Variants in MPPED2 observed in about 807,000 individuals in gnomAD.
MPPED2 encodes the protein metallophosphoesterase MPPED2.
Under a neutral mutation model 33.0 loss-of-function variants are expected in MPPED2, and 5 were observed. The ratio of observed to expected loss-of-function variants is 0.15; its 90% CI spans 0.08 to 0.32. MPPED2 has a LOEUF of 0.32. Ranked by LOEUF, MPPED2 falls within the 10% of genes least tolerant of loss-of-function variation. The probability of loss-of-function intolerance (pLI) is 1.00; values close to 1 mark genes in which losing one functional copy is unlikely to be tolerated. For missense variants in MPPED2, 275 were observed against 372.1 expected (o/e 0.74, Z 2.15); for synonymous variants, 136 against 141.9 (o/e 0.96, Z 0.29).
At chr11:30,541,919 A>G (rs1276291027) in intron 2 of MPPED2, among the ~76,000 whole-genome samples, 1 of 152,224 alleles carries the variant, frequency 6.6e-6, no homozygotes, top group African/African-American at 2.4e-5. Flanking sequence ...AAAACTTTCC[A>G]ATGTGATATC....
intron 3 of MPPED2, among the ~76,000 whole-genome samples, chr11:30,505,303 G>A (rs538335): frequency 0.089 from 13,535 of 151,978 alleles, 769 homozygotes; most frequent in African/African-American, 0.15. Context: ...GTACACACTC[G>A]CACATACTCA....
intron 2 of MPPED2, among the ~76,000 whole-genome samples, chr11:30,573,887 A>T (rs1956810320): frequency 6.6e-6 from 1 of 152,202 alleles, no homozygotes; most frequent in South Asian, 2.1e-4. Context: ...AAAGTTTGGT[A>T]CAAAAGCAGC....
chr11:30,541,264 GT>G lies in MPPED2; in HGVS notation c.129-5090del, dbSNP rs1402091180. 4.6e-5 allele frequency among the ~76,000 whole-genome samples: 7 copies of G among 152,068 alleles called. No homozygotes were observed. The East Asian group carries it at 9.7e-4, about 21-fold the overall frequency. ...GTTTATTCAGTCTTGACATATTAGG[GT>G]TTTTTTACTCACAAAAAATATGATA... On this transcript the variant is annotated intron_variant, in intron 2 of 6. Coordinates refer to ENST00000358117, the MANE Select transcript of MPPED2 (RefSeq NM_001584.3).
chr11:30,524,648 G>C (rs1016876074), intron 3 of MPPED2, among the ~76,000 whole-genome samples: 2 of 152,198 alleles, frequency 1.3e-5, no homozygotes, highest in African/African-American at 4.8e-5. Context: ...TTCCAGGAGA[G>C]ATGAATGGCA....
chr11:30,405,231 A>G (rs562388464), downstream of MPPED2, among the ~76,000 whole-genome samples: 1 of 152,346 alleles, frequency 6.6e-6, no homozygotes, highest in South Asian at 2.1e-4. Context: ...CAGGATCTTC[A>G]ACTGAAAAGC....
chr11:30,510,628 T>A (rs2134302403), intron 3 of MPPED2, among the ~76,000 whole-genome samples: 1 of 152,344 alleles, frequency 6.6e-6, no homozygotes, highest in East Asian at 1.9e-4. Flanking sequence ...AAGATTATTT[T>A]CCTCAGAGTG....
intron 4 of MPPED2, among the ~76,000 whole-genome samples, chr11:30,461,966 C>T (rs1330381908): frequency 2.6e-5 from 4 of 152,192 alleles, no homozygotes; most frequent in Non-Finnish European, 5.9e-5. Flanking sequence ...TTCATTTGAT[C>T]AACTTATCAA....
chr11:30,501,220 G>A (rs931979548), intron 3 of MPPED2, among the ~76,000 whole-genome samples: 2 of 152,044 alleles, frequency 1.3e-5, no homozygotes, highest in African/African-American at 4.8e-5. Flanking sequence ...ATAAATCATT[G>A]GTTTATCCAC....
At chr11:30,449,586 T>C (rs983352310) in intron 4 of MPPED2, among the ~76,000 whole-genome samples, 2 of 150,472 alleles carry the variant, frequency 1.3e-5, no homozygotes, top group Non-Finnish European at 2.9e-5. Flanking sequence ...GAGGCTGCAG[T>C]GAGCTATGAT....
At chr11:30,453,268 T>G (rs764750490) in intron 4 of MPPED2, among the ~76,000 whole-genome samples, 1 of 152,174 alleles carries the variant, frequency 6.6e-6, no homozygotes, top group Non-Finnish European at 1.5e-5. Context: ...TCCACACCTC[T>G]AAAGCGTTCC....
intron 3 of MPPED2, among the ~76,000 whole-genome samples, chr11:30,526,713 A>G (rs924501676): frequency 6.6e-6 from 1 of 151,790 alleles, no homozygotes; most frequent in Non-Finnish European, 1.5e-5. Flanking sequence ...CAAAAAAAAA[A>G]AAAAGGCTCC....
rs59262374 is a variant in MPPED2 at position 30,441,080 on chromosome 11, G to A, written c.537-23447C>T. On this transcript the variant is annotated intron_variant, in intron 4 of 6. Transcript: ENST00000358117. ...ACCAATCCATTCTCTGGGTTACCGA[G>A]CAGAACTAGTGGTCTTCAGAACACT... Among the ~76,000 whole-genome samples the A allele has an allele frequency of 4.9e-3, 751 of 152,220 alleles. 3 individuals carry two copies. Among genetic ancestry groups the A allele is most frequent in the African/African-American group, 0.016 (683 of 41,542 alleles).
intron 2 of MPPED2, among the ~76,000 whole-genome samples, chr11:30,563,020 T>A (rs1280284107): frequency 6.6e-6 from 1 of 152,128 alleles, no homozygotes; most frequent in East Asian, 1.9e-4. Context: ...TATTTATGCA[T>A]CAGGCACTGT....
intron 4 of MPPED2, among the ~76,000 whole-genome samples, chr11:30,486,129 A>G (rs1951732578): frequency 6.6e-6 from 1 of 152,212 alleles, no homozygotes; most frequent in Non-Finnish European, 1.5e-5. Context: ...GAAAGTATCC[A>G]GTGTGGTTAC....
intron 2 of MPPED2, among the ~76,000 whole-genome samples, chr11:30,567,876 C>G (rs1956514876): frequency 6.6e-6 from 1 of 152,202 alleles, no homozygotes; most frequent in Non-Finnish European, 1.5e-5. Context: ...CTGCCCCTGG[C>G]TACCAGGTTA....
At chr11:30,432,114 A>G (rs1348072235) in intron 4 of MPPED2, among the ~76,000 whole-genome samples, 1 of 151,786 alleles carries the variant, frequency 6.6e-6, no homozygotes, top group African/African-American at 2.4e-5. Context: ...GGTTTCAAGG[A>G]GCCGAGATCG....
At chr11:30,448,781 TC>T (rs1949923601) in intron 4 of MPPED2, among the ~76,000 whole-genome samples, 2 of 151,940 alleles carry the variant, frequency 1.3e-5, no homozygotes, top group South Asian at 2.1e-4. Flanking sequence ...TTCAAGTGAT[TC>T]TCCTGCCCCA....
At chr11:30,551,880 G>T (rs1955730446) in intron 2 of MPPED2, among the ~76,000 whole-genome samples, 1 of 152,194 alleles carries the variant, frequency 6.6e-6, no homozygotes, top group Non-Finnish European at 1.5e-5. Flanking sequence ...TGAAGAAGAA[G>T]TAATGAGAAT....
chr11:30,428,112 T>TATTCC, intron 4 of MPPED2, among the ~76,000 whole-genome samples: 1 of 152,166 alleles, frequency 6.6e-6, no homozygotes, highest in Non-Finnish European at 1.5e-5. Flanking sequence ...CCCATTTCCA[T>TATTCC]ATGTGGCAAT....
Sources: allele counts gnomAD v4.1 joint callset (sites outside exome capture counted in the v4.1 genomes callset), GRCh38; gene constraint gnomAD v4.1.1; transcripts MANE v1.5; gene names NCBI Gene and HGNC (gene_info 2026-07-23, HGNC 2026-07-21).